Variants in PTPRD observed in about 807,000 individuals in gnomAD.
PTPRD encodes the protein protein tyrosine phosphatase receptor type D, also known as receptor-type tyrosine-protein phosphatase delta.
PTPRD carries 34 observed loss-of-function variants against 214.5 expected under a neutral mutation model. The observed-to-expected ratio is 0.16, with a 90% CI of 0.12 to 0.21. The LOEUF (loss-of-function observed/expected upper bound fraction) is 0.21, where lower values mean the gene tolerates loss of function less well. Ranked by LOEUF, PTPRD falls within the 10% of genes least tolerant of loss-of-function variation. PTPRD has a pLI of 1.00. For synonymous variants in PTPRD, 1,128 were observed against 845.7 expected, an observed-to-expected ratio of 1.33 and a Z score of -5.79; for missense variants, 2,545 against 2,398.7, an observed-to-expected ratio of 1.06 and a Z score of -1.27.
Position 10,607,904 on chromosome 9 carries a change from T to C in PTPRD, c.-600+4494A>G, listed in dbSNP as rs184852848. On this transcript the variant is annotated intron_variant, in intron 2 of 45. Coordinates refer to ENST00000381196, the MANE Select transcript of PTPRD (RefSeq NM_002839.4). ...ATCAATGAAACTATTTTATTGATAA[T>C]GTAGTTAGAGGTGTAAAAATTATTG... is the stretch of plus-strand genomic sequence containing the variant. Among the ~76,000 whole-genome samples the C allele has an allele frequency of 9.9e-5, 15 of 152,110 alleles. No individual in the cohort carries two copies. In the East Asian group the frequency reaches 1.7e-3, roughly 18 times the overall value.
intron 3 of PTPRD, among the ~76,000 whole-genome samples, chr9:10,220,251 C>T (rs965244308): frequency 6.6e-6 from 1 of 151,694 alleles, no homozygotes; most frequent in African/African-American, 2.4e-5. Flanking sequence ...TGAAAAATTA[C>T]TAATATTTAT....
chr9:9,865,280 A>G (rs1052443582), intron 5 of PTPRD, among the ~76,000 whole-genome samples: 1 of 152,174 alleles, frequency 6.6e-6, no homozygotes, highest in Non-Finnish European at 1.5e-5. Flanking sequence ...TTAGTTCCCA[A>G]TGTGGCAGTA....
chr9:10,222,962 T>C (rs963331791), intron 3 of PTPRD, among the ~76,000 whole-genome samples: 1 of 152,038 alleles, frequency 6.6e-6, no homozygotes, highest in Non-Finnish European at 1.5e-5. Context: ...AGAAGAGGTG[T>C]TGAGGTTCTA....
At chr9:10,400,395 T>G (rs2098250480) in intron 2 of PTPRD, among the ~76,000 whole-genome samples, 1 of 151,812 alleles carries the variant, frequency 6.6e-6, no homozygotes, top group African/African-American at 2.4e-5. Flanking sequence ...ATACATTTTT[T>G]CATGTAATTA....
intron 5 of PTPRD, among the ~76,000 whole-genome samples, chr9:9,906,319 A>G (rs891124244): frequency 1.3e-5 from 2 of 151,974 alleles, no homozygotes; most frequent in African/African-American, 2.4e-5. Flanking sequence ...TATGTGATAC[A>G]GCTCTAGGTC....
chr9:9,032,985 G>A (rs1386490713), intron 10 of PTPRD, among the ~76,000 whole-genome samples: 1 of 152,080 alleles, frequency 6.6e-6, no homozygotes. Flanking sequence ...TTATTGAAAT[G>A]TGGGCTACAT....
At chr9:9,298,332 C>T (rs1236878473) in intron 9 of PTPRD, among the ~76,000 whole-genome samples, 2 of 151,578 alleles carry the variant, frequency 1.3e-5, no homozygotes, top group African/African-American at 4.8e-5. Context: ...TGAATATATG[C>T]TGATTCCCTG....
intron 11 of PTPRD, among the ~76,000 whole-genome samples, chr9:8,794,903 G>C (rs1221802246): frequency 1.3e-5 from 2 of 151,368 alleles, no homozygotes; most frequent in East Asian, 3.9e-4. Context: ...GGGATAAATG[G>C]TCAATGAGTG....
chr9:8,699,086 C>CT (rs1397900786), intron 12 of PTPRD, among the ~76,000 whole-genome samples: 11 of 152,238 alleles, frequency 7.2e-5, no homozygotes, highest in African/African-American at 2.4e-4. Flanking sequence ...AATGCACACT[C>CT]TTTTTTCAGA....
intron 21 of PTPRD, among the ~76,000 whole-genome samples, chr9:8,514,605 G>C (rs1485315301): frequency 1.3e-5 from 2 of 150,900 alleles, no homozygotes; most frequent in African/African-American, 2.4e-5. Context: ...CAGTGTTTCA[G>C]AAGTAAGTTA....
At chr9:9,669,839 T>C (rs1328329466) in intron 7 of PTPRD, among the ~76,000 whole-genome samples, 1 of 152,142 alleles carries the variant, frequency 6.6e-6, no homozygotes, top group Non-Finnish European at 1.5e-5. Flanking sequence ...CAAATTTAGA[T>C]AGTGACTATA....
At chr9:8,685,798 C>A (rs573097695) in intron 12 of PTPRD, among the ~76,000 whole-genome samples, 1 of 152,238 alleles carries the variant, frequency 6.6e-6, no homozygotes, top group African/African-American at 2.4e-5. Context: ...GAAATCTTTC[C>A]CAAAGCAGTA....
At chr9:8,423,126 T>C (rs561170291) in intron 35 of PTPRD, among the ~76,000 whole-genome samples, 8 of 152,218 alleles carry the variant, frequency 5.3e-5, no homozygotes, top group African/African-American at 1.9e-4. Context: ...TTAAATCATG[T>C]TTCATAATAA....
At chr9:10,484,594 A>G (rs974115403) in intron 2 of PTPRD, among the ~76,000 whole-genome samples, 3 of 152,100 alleles carry the variant, frequency 2.0e-5, no homozygotes, top group Non-Finnish European at 4.4e-5. Flanking sequence ...CTGGGATAAG[A>G]TGATATTTCA....
intron 12 of PTPRD, among the ~76,000 whole-genome samples, chr9:8,680,693 C>T (rs2097534195): frequency 6.6e-6 from 1 of 152,168 alleles, no homozygotes; most frequent in South Asian, 2.1e-4. Flanking sequence ...AACACACATA[C>T]ACACATAAAT....
chr9:10,526,903 T>G lies in PTPRD; in HGVS notation c.-600+85495A>C, dbSNP rs976771051. 3.3e-5 allele frequency among the ~76,000 whole-genome samples: 5 copies of G among 152,248 alleles called. 1 individual carries two copies. In the East Asian group the frequency reaches 5.8e-4, roughly 18 times the overall value. On this transcript the variant is annotated intron_variant, in intron 2 of 45. Coordinates refer to ENST00000381196, the MANE Select transcript of PTPRD (RefSeq NM_002839.4). Reference sequence around the variant, plus strand: ...GTGAGGAAAAGCTTCATTATCTATGTGTTCATCCTCATCTGCAGATGGCAA... The same window carrying G: ...GTGAGGAAAAGCTTCATTATCTATGGGTTCATCCTCATCTGCAGATGGCAA...
At chr9:10,048,612 G>A (rs938662479) in intron 3 of PTPRD, among the ~76,000 whole-genome samples, 2 of 151,812 alleles carry the variant, frequency 1.3e-5, no homozygotes, top group East Asian at 3.9e-4. Context: ...AACCACTCTA[G>A]AAACTGCTGG....
intron 7 of PTPRD, among the ~76,000 whole-genome samples, chr9:9,708,427 T>C (rs2154420842): frequency 6.6e-6 from 1 of 152,252 alleles, no homozygotes; most frequent in South Asian, 2.1e-4. Context: ...ATTTCAGCCA[T>C]GTCTCCTTGG....
chr9:8,404,599 T>G lies in PTPRD; in HGVS notation c.4148A>C (p.Lys1383Thr). ...TGCGATTACATTCGCGTATCTATTC[T>G]TTGGTTTGTTTACTTCCAAGTTTGA... ...EHSNLEVNKP[K>T]NRYANVIAYD... The change falls in exon 36 of 46, where the codon AAG becomes ACG. Residue 1383 changes from lysine (K) to threonine (T), a missense_variant. Physicochemically the swap from Lys to Thr is moderately conservative, Grantham distance 78 (BLOSUM62 -1). Coordinates refer to ENST00000381196, the MANE Select transcript of PTPRD (RefSeq NM_002839.4). The G allele has an allele frequency of 6.2e-7, 1 of 1,613,702 alleles. No homozygotes were observed. Among genetic ancestry groups the G allele is most frequent in the Non-Finnish European group, 8.5e-7 (1 of 1,179,692 alleles).
Sources: allele counts gnomAD v4.1 joint callset (sites outside exome capture counted in the v4.1 genomes callset), GRCh38; gene constraint gnomAD v4.1.1; transcripts MANE v1.5; gene names NCBI Gene and HGNC (gene_info 2026-07-23, HGNC 2026-07-21).